The following ACSS1 variants were observed in gnomAD, a reference collection of about 807,000 sequenced individuals.
ACSS1 encodes the protein acyl-CoA synthetase short chain family member 1, also known as acetyl-coenzyme A synthetase 2-like, mitochondrial.
A neutral mutation model predicts 75.3 loss-of-function variants in ACSS1; 42 were observed. The observed-to-expected ratio is 0.56, with a 90% confidence interval of 0.44 to 0.72. The LOEUF (loss-of-function observed/expected upper bound fraction) is 0.72, where lower values mean the gene tolerates loss of function less well. Among genes scored for constraint, ACSS1 ranks in the 30% least tolerant of loss-of-function variants. The pLI, the probability that ACSS1 is intolerant of heterozygous loss-of-function variation, is 0.00. For missense variants in ACSS1, 782 were observed against 935.7 expected (o/e 0.84, Z 2.14); for synonymous variants, 380 against 376.8 (o/e 1.01, Z -0.10).
chr20:25,017,686 G>A (rs1196720388), intron 7 of ACSS1, among the ~76,000 whole-genome samples: 1 of 152,228 alleles, frequency 6.6e-6, no homozygotes, highest in African/African-American at 2.4e-5. Flanking sequence ...AAGTCTGTGG[G>A]GACCCCTAGG....
At chr20:25,034,440 G>A (rs2088875698) in intron 2 of ACSS1, among the ~76,000 whole-genome samples, 1 of 151,980 alleles carries the variant, frequency 6.6e-6, no homozygotes, top group African/African-American at 2.4e-5. Context: ...CAGGTTCTCT[G>A]GTCGAGCCCT....
At chr20:25,052,628 T>C (rs1357001389) in intron 1 of ACSS1, among the ~76,000 whole-genome samples, 1 of 152,260 alleles carries the variant, frequency 6.6e-6, no homozygotes, top group African/African-American at 2.4e-5. Context: ...ATGTGGGCTC[T>C]GTGGTATTGA....
intron 13 of ACSS1, among the ~76,000 whole-genome samples, 159 bp from the exon 14 acceptor site, chr20:25,008,100 G>A (rs2088342956): frequency 2.0e-5 from 3 of 152,198 alleles, no homozygotes; most frequent in South Asian, 2.1e-4. Context: ...GGTGAGGCCC[G>A]AGGTCTTGGC....
rs752855538 is a variant in ACSS1 at position 25,046,800 on chromosome 20, C to T, written c.431+1285G>A. ...GCCACCTGGGGGGCCGCTCAGTTGT[C>T]CAGTGGGGCCCGAGGATCCAGGGCA... On this transcript the variant is annotated intron_variant, in intron 2 of 13. Transcript: ENST00000323482. 13 of 779,704 alleles carry T rather than the reference C, an allele frequency of 1.7e-5. No homozygotes were observed. In the South Asian group the frequency reaches 1.7e-4, roughly 10 times the overall value. 48.3% of individuals were successfully genotyped at this position (779,704 alleles called of 1,614,324 possible).
At chr20:25,032,588 G>C (rs1319087837) in intron 2 of ACSS1, 1 of 1,241,290 alleles carries the variant, frequency 8.1e-7, no homozygotes, top group Non-Finnish European at 1.0e-6. Flanking sequence ...CAGACCACCA[G>C]CCCGCGACCC....
At position 25,031,261 on chromosome 20, in the gene ACSS1, C is replaced by T. The variant is rs1456916854; in HGVS notation, c.432-303G>A. On this transcript the variant is annotated intron_variant, in intron 2 of 13. Coordinates refer to ENST00000323482, the MANE Select transcript of ACSS1 (RefSeq NM_032501.4). ...GGAGCGTAGGGGAGCCATGGTGACA[C>T]CATTTTAGAATCAATTCCATCTTAA... 9.3e-6 allele frequency: 4 copies of T among 429,308 alleles called. No homozygotes were observed. In the Admixed American group the frequency reaches 1.2e-4, roughly 13 times the overall value. The allele number at this position is 429,308 out of a possible 1,614,324, so 26.6% of individuals were successfully genotyped here.
At chr20:25,022,002 A>T (rs987266921) in intron 5 of ACSS1, among the ~76,000 whole-genome samples, 1 of 152,192 alleles carries the variant, frequency 6.6e-6, no homozygotes, top group Non-Finnish European at 1.5e-5. Flanking sequence ...GCTGGATGTG[A>T]CTATGGCCAA....
intron 2 of ACSS1, chr20:25,032,720 A>C: frequency 1.7e-6 from 2 of 1,148,700 alleles, no homozygotes; most frequent in Non-Finnish European, 2.1e-6. Context: ...GAGAACAGTG[A>C]AGCTCAACGA....
intron 2 of ACSS1, chr20:25,032,230 T>A: frequency 1.3e-6 from 1 of 770,034 alleles, no homozygotes; most frequent in Non-Finnish European, 1.8e-6. Context: ...ATCACCAGGT[T>A]CACCCACCAC....
intron 7 of ACSS1, among the ~76,000 whole-genome samples, chr20:25,016,559 A>G (rs1231147442): frequency 1.3e-5 from 2 of 152,236 alleles, no homozygotes; most frequent in African/African-American, 4.8e-5. Flanking sequence ...AGGACCACTC[A>G]CAACCCACAG....
chr20:25,038,854 T>C (rs1417889611), intron 2 of ACSS1, among the ~76,000 whole-genome samples: 1 of 152,196 alleles, frequency 6.6e-6, no homozygotes, highest in Non-Finnish European at 1.5e-5. Context: ...TACCACCATC[T>C]GCCATGTCGT....
intron 2 of ACSS1, among the ~76,000 whole-genome samples, chr20:25,047,029 G>T (rs1600347402): frequency 1.3e-5 from 2 of 152,350 alleles, no homozygotes; most frequent in East Asian, 3.9e-4. Context: ...CCCACTGGGA[G>T]CCGCAGCAGA....
intron 7 of ACSS1, 55 bp from the exon 8 acceptor site, chr20:25,015,285 C>A: frequency 6.8e-7 from 1 of 1,461,200 alleles, no homozygotes; most frequent in Non-Finnish European, 9.4e-7. Context: ...AACCTGAAAC[C>A]AAAGGGAAGT....
At chr20:25,008,342 G>A (rs1358687407) in intron 13 of ACSS1, among the ~76,000 whole-genome samples, 1 of 152,220 alleles carries the variant, frequency 6.6e-6, no homozygotes, top group Non-Finnish European at 1.5e-5. Flanking sequence ...AACTACTTAA[G>A]AGAAAAATTT....
chr20:25,015,314 T>C, intron 7 of ACSS1, 84 bp from the exon 8 acceptor site: 2 of 1,275,242 alleles, frequency 1.6e-6, no homozygotes, highest in Non-Finnish European at 2.2e-6. Flanking sequence ...TTGTTTTTTG[T>C]TTTTGTTTTT....
At chr20:25,053,911 C>T (rs1422864504) in intron 1 of ACSS1, among the ~76,000 whole-genome samples, 1 of 152,212 alleles carries the variant, frequency 6.6e-6, no homozygotes, top group Non-Finnish European at 1.5e-5. Context: ...CATGTCATTA[C>T]CCTCTGGTTC....
chr20:25,056,662 T>TG lies in ACSS1; in HGVS notation c.334+1106dup, dbSNP rs955174352. On this transcript the variant is annotated intron_variant, in intron 1 of 13. Transcript: ENST00000323482. ...TCCTCACAATGAGGAGACTGAGGGCTGGGGGGGCAGAACAACAAGGACAAC... is the reference window on the plus strand; with the variant it reads ...TCCTCACAATGAGGAGACTGAGGGCTGGGGGGGGCAGAACAACAAGGACAAC... Among the ~76,000 whole-genome samples, 133 of 152,106 alleles carry TG rather than the reference T, an allele frequency of 8.7e-4. 3 individuals are homozygous for TG. The highest frequency in any genetic ancestry group is 5.2e-4 in the Admixed American group (8 of 15,278).
At chr20:25,054,236 C>T (rs2089212933) in intron 1 of ACSS1, among the ~76,000 whole-genome samples, 1 of 152,194 alleles carries the variant, frequency 6.6e-6, no homozygotes, top group South Asian at 2.1e-4. Context: ...GAAGCCTATT[C>T]CCCACCTATC....
rs111300562 is a variant in ACSS1, at chr20:25,007,014, A to C, written c.*748T>G. 7.9e-6 allele frequency: 12 copies of C among 1,526,516 alleles called. No individual in the cohort carries two copies. The African/African-American group carries it at 1.2e-4, about 16-fold the overall frequency. 94.6% of individuals were successfully genotyped at this position (1,526,516 alleles called of 1,614,324 possible). A position where few individuals can be genotyped will look rare whatever the true frequency, so the allele number is the denominator to read the frequency against. ...AACAGAACATAACTGGAGTAGCTTCAGAACTAAGGCGGCCACATTCACCCC... is the reference window on the plus strand; with the variant it reads ...AACAGAACATAACTGGAGTAGCTTCCGAACTAAGGCGGCCACATTCACCCC... On this transcript the variant is annotated 3_prime_UTR_variant, in exon 14 of 14. Transcript: ENST00000323482.
Sources: gnomAD v4.1 joint callset for allele counts (sites outside exome capture counted in the v4.1 genomes callset) on GRCh38, gnomAD v4.1.1 for gene constraint, MANE v1.5 for transcripts, NCBI Gene and HGNC (gene_info 2026-07-23, HGNC 2026-07-21) for gene names.